Variants in ESF1 observed in about 807,000 individuals in gnomAD.
ESF1 encodes ESF1 homolog.
A neutral mutation model predicts 92.0 loss-of-function variants in ESF1; 58 were observed. That is an observed-to-expected ratio of 0.63 (90% CI 0.51 to 0.78). The LOEUF (loss-of-function observed/expected upper bound fraction) is 0.78, where lower values mean the gene tolerates loss of function less well. ESF1 is among the 30% of genes least tolerant of loss of function. The pLI, the probability that ESF1 is intolerant of heterozygous loss-of-function variation, is 0.00. For synonymous variants in ESF1, 321 were observed against 313.7 expected (o/e 1.02, Z -0.24); for missense variants, 922 against 989.1 (o/e 0.93, Z 0.91).
intron 12 of ESF1, 120 bp from the exon 13 acceptor site, chr20:13,717,634 G>T: frequency 9.5e-7 from 1 of 1,052,528 alleles, no homozygotes; most frequent in Non-Finnish European, 1.4e-6. Context: ...AGAACTCTGG[G>T]GTACCACCTG....
intron 9 of ESF1, among the ~76,000 whole-genome samples, chr20:13,743,209 C>T (rs1283299376): frequency 6.6e-6 from 1 of 152,168 alleles, no homozygotes; most frequent in Non-Finnish European, 1.5e-5. Context: ...TTACCTCACA[C>T]TTGCTAGGAT....
At chr20:13,775,604 T>C (rs1240153218) in intron 3 of ESF1, among the ~76,000 whole-genome samples, 3 of 152,174 alleles carry the variant, frequency 2.0e-5, no homozygotes, top group Non-Finnish European at 2.9e-5. Context: ...ACATTTCTTT[T>C]GGGTGCCGTA....
chr20:13,766,818 G>A lies in ESF1; in HGVS notation c.1625C>T (p.Ser542Phe). The A allele has an allele frequency of 1.9e-6, 3 of 1,613,826 alleles. No individual in the cohort carries two copies. The highest frequency in any genetic ancestry group is 2.2e-5 in the East Asian group (1 of 44,802). Residue 542 changes from serine (S) to phenylalanine (F), a missense_variant, in exon 8 of 14, where the codon TCC (serine) becomes TTC (phenylalanine). By Grantham distance (155) the Ser-to-Phe change is radical (BLOSUM62 -2). Transcript: ENST00000617257. ...TATCTCCTCTTCATCTTCACTAGAG[G>A]AAGCTAAGTAGGCTTGAAAATCCAT... Reference protein sequence around the residue: ...LDMDFQAYLASSSEDEEEIEE... With the variant: ...LDMDFQAYLAFSSEDEEEIEE...
At chr20:13,726,914 CAATT>C (rs2049904119) in intron 11 of ESF1, among the ~76,000 whole-genome samples, 1 of 152,158 alleles carries the variant, frequency 6.6e-6, no homozygotes, top group Non-Finnish European at 1.5e-5. Context: ...CAGATAGAAA[CAATT>C]ACCCTCTGGG....
intron 9 of ESF1, among the ~76,000 whole-genome samples, chr20:13,754,547 ATCAAT>A (rs1464447264): frequency 6.6e-6 from 1 of 152,200 alleles, no homozygotes. Flanking sequence ...CTATTTAGGT[ATCAAT>A]GGGCATCTTG....
intron 9 of ESF1, among the ~76,000 whole-genome samples, chr20:13,741,772 CAA>C (rs2050015062): frequency 6.6e-6 from 1 of 151,980 alleles, no homozygotes; most frequent in South Asian, 2.1e-4. Flanking sequence ...ATAAATCTGA[CAA>C]TATTAAAATC....
chr20:13,784,889 T>C lies in ESF1; in HGVS notation c.-53A>G, dbSNP rs891341330. ...GTCCATCCCCACTCACCGTCCGCAG[T>C]CCTACCAAGCCTCACGTGGGGCTCA... is the stretch of plus-strand genomic sequence containing the variant. On this transcript the variant is annotated 5_prime_UTR_variant, in exon 1 of 14. Transcript: ENST00000617257. The C allele has an allele frequency of 6.5e-6, 4 of 619,934 alleles. No homozygotes were observed. In the East Asian group the frequency reaches 8.2e-5, roughly 13 times the overall value. 38.4% of individuals were successfully genotyped at this position (619,934 alleles called of 1,614,324 possible).
chr20:13,729,457 G>A (rs142418075), intron 10 of ESF1, among the ~76,000 whole-genome samples: 1 of 152,266 alleles, frequency 6.6e-6, no homozygotes, highest in East Asian at 1.9e-4. Flanking sequence ...AGGGTTAGGA[G>A]GGACAAAGTG....
At chr20:13,720,489 C>G (rs1200109840) in intron 11 of ESF1, among the ~76,000 whole-genome samples, 1 of 152,206 alleles carries the variant, frequency 6.6e-6, no homozygotes, top group Non-Finnish European at 1.5e-5. Flanking sequence ...ACTCGTCTAA[C>G]TTCCAGTTTA....
intron 9 of ESF1, among the ~76,000 whole-genome samples, chr20:13,745,535 T>G (rs1348073141): frequency 6.6e-6 from 1 of 152,116 alleles, no homozygotes; most frequent in Non-Finnish European, 1.5e-5. Flanking sequence ...CACTGCAACC[T>G]CCCCTTCCCG....
At chr20:13,743,250 A>G (rs1390948940) in intron 9 of ESF1, among the ~76,000 whole-genome samples, 2 of 152,152 alleles carry the variant, frequency 1.3e-5, no homozygotes, top group Non-Finnish European at 2.9e-5. Flanking sequence ...GAGATAACAA[A>G]TGCTGGTGAG....
At chr20:13,783,993 G>C (rs1265948880) in intron 1 of ESF1, among the ~76,000 whole-genome samples, 1 of 152,184 alleles carries the variant, frequency 6.6e-6, no homozygotes, top group Non-Finnish European at 1.5e-5. Context: ...AGCTAAGAAA[G>C]TTTCCTTTTT....
intron 9 of ESF1, among the ~76,000 whole-genome samples, chr20:13,756,963 G>A (rs559703602): frequency 5.4e-4 from 82 of 152,218 alleles, no homozygotes; most frequent in African/African-American, 1.9e-3. Flanking sequence ...CTTGTTATTT[G>A]TGGGTTTGAG....
chr20:13,747,343 G>A (rs1007511544), intron 9 of ESF1, among the ~76,000 whole-genome samples: 3 of 151,182 alleles, frequency 2.0e-5, no homozygotes, highest in Non-Finnish European at 2.9e-5. Context: ...GGCGGATCAC[G>A]AGGTCAAGAG....
At chr20:13,723,652 C>T (rs1193465891) in intron 11 of ESF1, among the ~76,000 whole-genome samples, 1 of 151,980 alleles carries the variant, frequency 6.6e-6, no homozygotes, top group Non-Finnish European at 1.5e-5. Context: ...GGTCTGGCAT[C>T]AATGAACTCA....
intron 2 of ESF1, among the ~76,000 whole-genome samples, chr20:13,780,726 C>T (rs1002129671): frequency 6.6e-6 from 1 of 152,096 alleles, no homozygotes; most frequent in Non-Finnish European, 1.5e-5. Flanking sequence ...ACAGGTCTGG[C>T]TCATGTGAAC....
At chr20:13,752,891 T>C (rs2147754418) in intron 9 of ESF1, among the ~76,000 whole-genome samples, 1 of 152,136 alleles carries the variant, frequency 6.6e-6, no homozygotes, top group Non-Finnish European at 1.5e-5. Flanking sequence ...GCCCAAGGAA[T>C]AGGAGTCAAA....
At chr20:13,718,468 G>A (rs767158223) in intron 12 of ESF1, among the ~76,000 whole-genome samples, 1 of 152,102 alleles carries the variant, frequency 6.6e-6, no homozygotes, top group Non-Finnish European at 1.5e-5. Flanking sequence ...AATTTTGTAC[G>A]TTAAATATAC....
chr20:13,733,730 C>A lies in ESF1; in HGVS notation c.1941G>T (p.Arg647Ser). ...EKKKEKKRLK[R>S]KQKALAEEAS... ...TAATTATCAATGATACCTTCTGTTTCCTTTTCAGTCTTTTTTTCTCTTTCT... is the reference window on the plus strand; with the variant it reads ...TAATTATCAATGATACCTTCTGTTTACTTTTCAGTCTTTTTTTCTCTTTCT... Residue 647 changes from arginine to serine, a missense_variant, in exon 10 of 14, where the codon AGG (arginine) becomes AGT (serine). Coordinates refer to ENST00000617257, the MANE Select transcript of ESF1 (RefSeq NM_001276380.2). The A allele has an allele frequency of 6.2e-7, 1 of 1,611,758 alleles. No homozygotes were observed. The highest frequency in any genetic ancestry group is 1.1e-5 in the South Asian group (1 of 90,768).
Sources: gnomAD v4.1 joint callset for allele counts (sites outside exome capture counted in the v4.1 genomes callset) on GRCh38, gnomAD v4.1.1 for gene constraint, MANE v1.5 for transcripts, NCBI Gene and HGNC (gene_info 2026-07-23, HGNC 2026-07-21) for gene names.